The following PRKCE variants were observed in gnomAD, a reference collection of about 807,000 sequenced individuals.
PRKCE encodes the protein protein kinase C epsilon type.
Under a neutral mutation model 85.4 loss-of-function variants are expected in PRKCE, and 16 were observed. That is an observed-to-expected ratio of 0.19 (90% CI 0.13 to 0.28). PRKCE has a LOEUF of 0.28. PRKCE is among the 10% of genes least tolerant of loss of function. The pLI, the probability that PRKCE is intolerant of heterozygous loss-of-function variation, is 1.00. For missense variants in PRKCE, 573 were observed against 975.2 expected, an observed-to-expected ratio of 0.59 and a Z score of 5.49; for synonymous variants, 388 against 371.5, an observed-to-expected ratio of 1.04 and a Z score of -0.51.
At chr2:45,816,272 G>C (rs1689032633) in intron 1 of PRKCE, among the ~76,000 whole-genome samples, 2 of 152,110 alleles carry the variant, frequency 1.3e-5, no homozygotes, top group South Asian at 4.1e-4. Flanking sequence ...GCCCTGCTAT[G>C]AATATAGAAG....
intron 11 of PRKCE, among the ~76,000 whole-genome samples, chr2:46,126,705 C>T (rs538191986): frequency 2.0e-5 from 3 of 152,234 alleles, no homozygotes; most frequent in South Asian, 2.1e-4. Context: ...AACACAGAAC[C>T]GGGTCTATGG....
rs372002967 is a variant in PRKCE, at chr2:46,019,931, C to A, written c.1437+9414C>A. Among the ~76,000 whole-genome samples the A allele has an allele frequency of 5.4e-5, 8 of 147,070 alleles. No homozygotes were observed. The South Asian group carries it at 1.3e-3, about 24-fold the overall frequency. Reference sequence around the variant, plus strand: ...ACGGCGCAATCTCGGCTCACTACAACCTCTGCCTCCCAGGCTCAAGCAATT... The same window carrying A: ...ACGGCGCAATCTCGGCTCACTACAAACTCTGCCTCCCAGGCTCAAGCAATT... On this transcript the variant is annotated intron_variant, in intron 10 of 14. Transcript: ENST00000306156.
At chr2:46,093,828 C>G (rs1670420827) in intron 11 of PRKCE, among the ~76,000 whole-genome samples, 1 of 152,128 alleles carries the variant, frequency 6.6e-6, no homozygotes, top group African/African-American at 2.4e-5. Context: ...CCCTTCCCAA[C>G]CTCCCATCCT....
In PRKCE at chr2:46,043,104, G is replaced by GTTT. The variant is rs68116207; in HGVS notation, c.1437+32596_1437+32598dup. 1.4e-3 allele frequency among the ~76,000 whole-genome samples: 204 copies of GTTT among 149,934 alleles called. 1 individual carries two copies. The highest frequency in any genetic ancestry group is 2.7e-3 in the African/African-American group (110 of 40,914). On this transcript the variant is annotated intron_variant, in intron 10 of 14. Transcript: ENST00000306156. The stretch of plus-strand genomic sequence containing the variant: ...ACTTTGTAGGGCCTTCAGAAAAACA[G>GTTT]TTTTTTTTTTTCAAGGTGTTCTGTA...
chr2:45,762,042 C>T (rs1367305940), intron 1 of PRKCE, among the ~76,000 whole-genome samples: 1 of 152,158 alleles, frequency 6.6e-6, no homozygotes, highest in Non-Finnish European at 1.5e-5. Context: ...ACATGGGTTC[C>T]CTTGGTTGGC....
At position 46,187,336 on chromosome 2, in the gene PRKCE, T is replaced by G. The variant is rs1335175477; in HGVS notation, c.*2455T>G. 1 of 152,334 alleles carries G rather than the reference T, an allele frequency of 6.6e-6. No homozygotes were observed. Among genetic ancestry groups the G allele is most frequent in the African/African-American group, 2.4e-5 (1 of 41,450 alleles). 9.4% of individuals were successfully genotyped at this position (152,334 alleles called of 1,614,324 possible). A position where few individuals can be genotyped will look rare whatever the true frequency, so the allele number is the denominator to read the frequency against. ...GTCAGTCTGTCCCAGAAAGGGCCCT[T>G]TTCAGCACCCAAAGCTGGGCTGGCT... On this transcript the variant is annotated 3_prime_UTR_variant, in exon 15 of 15. Coordinates refer to ENST00000306156, the MANE Select transcript of PRKCE (RefSeq NM_005400.3).
chr2:45,766,926 A>T (rs573024427), intron 1 of PRKCE, among the ~76,000 whole-genome samples: 36 of 152,298 alleles, frequency 2.4e-4, no homozygotes, highest in African/African-American at 8.7e-4. Context: ...CAGTAGTCCC[A>T]GCTACTCAGG....
intron 1 of PRKCE, among the ~76,000 whole-genome samples, chr2:45,834,316 C>T (rs1158216205): frequency 6.6e-6 from 1 of 152,204 alleles, no homozygotes; most frequent in African/African-American, 2.4e-5. Flanking sequence ...GCAACTGAAG[C>T]AAGCTGTAGT....
intron 1 of PRKCE, among the ~76,000 whole-genome samples, chr2:45,702,338 A>C (rs1678716669): frequency 6.6e-6 from 1 of 152,208 alleles, no homozygotes; most frequent in Non-Finnish European, 1.5e-5. Flanking sequence ...TACTAGTCCC[A>C]GCTCTTGGGC....
intron 10 of PRKCE, among the ~76,000 whole-genome samples, chr2:46,013,439 G>A (rs1205982611): frequency 6.6e-6 from 1 of 152,202 alleles, no homozygotes; most frequent in Non-Finnish European, 1.5e-5. Context: ...GAAGACTCAG[G>A]GGAGGGGGTC....
chr2:45,695,233 T>A (rs369043703), intron 1 of PRKCE, among the ~76,000 whole-genome samples: 38 of 152,346 alleles, frequency 2.5e-4, no homozygotes, highest in Middle Eastern at 3.4e-3. Context: ...CCCCTTAGCC[T>A]CTAAGGATCT....
intron 10 of PRKCE, among the ~76,000 whole-genome samples, chr2:46,058,351 C>G (rs1228642273): frequency 6.6e-6 from 1 of 152,232 alleles, no homozygotes; most frequent in African/African-American, 2.4e-5. Flanking sequence ...ACAGGACTGG[C>G]TGGGATCCAG....
chr2:46,103,633 G>A (rs1222463917), intron 11 of PRKCE, among the ~76,000 whole-genome samples: 4 of 152,140 alleles, frequency 2.6e-5, no homozygotes, highest in African/African-American at 9.7e-5. Flanking sequence ...AACTACTGAT[G>A]CCCTACTGTT....
chr2:45,812,354 A>G (rs1277192712), intron 1 of PRKCE, among the ~76,000 whole-genome samples: 2 of 152,236 alleles, frequency 1.3e-5, no homozygotes, highest in Non-Finnish European at 2.9e-5. Context: ...TGTTTGAAAC[A>G]TGAAGCCTAA....
chr2:46,095,399 C>A (rs1670587945), intron 11 of PRKCE, among the ~76,000 whole-genome samples: 1 of 152,166 alleles, frequency 6.6e-6, no homozygotes, highest in African/African-American at 2.4e-5. Flanking sequence ...CCATCTACCC[C>A]CACTCCATGC....
At chr2:45,825,903 C>A (rs1448638879) in intron 1 of PRKCE, among the ~76,000 whole-genome samples, 1 of 151,990 alleles carries the variant, frequency 6.6e-6, no homozygotes, top group Non-Finnish European at 1.5e-5. Context: ...CAAAAACATA[C>A]CCCACAGTGT....
intron 2 of PRKCE, among the ~76,000 whole-genome samples, chr2:45,866,846 T>C (rs1322321164): frequency 6.6e-6 from 1 of 152,250 alleles, no homozygotes; most frequent in Non-Finnish European, 1.5e-5. Context: ...AAAATTCTAT[T>C]GGCCAGCACT....
At position 45,905,671 on chromosome 2, in the gene PRKCE, C is replaced by T. The variant is rs1696917530; in HGVS notation, c.412+62608C>T. Among the ~76,000 whole-genome samples, 1 of 152,156 alleles carries T rather than the reference C, an allele frequency of 6.6e-6. No individual in the cohort carries two copies. The highest frequency in any genetic ancestry group is 6.5e-5 in the Admixed American group (1 of 15,288). On this transcript the variant is annotated intron_variant, in intron 2 of 14. Coordinates refer to ENST00000306156, the MANE Select transcript of PRKCE (RefSeq NM_005400.3). This position sits in a 1 kb window ranked among gnomAD's most constrained non-coding sequence, Gnocchi z 4.4. ...GGCCCTAGCTGGGGAACCTCTGATGCTGGGAGGGTGGATGCCAGGTGGTGG... is the reference window on the plus strand; with the variant it reads ...GGCCCTAGCTGGGGAACCTCTGATGTTGGGAGGGTGGATGCCAGGTGGTGG...
At chr2:46,018,203 A>G (rs138432462) in intron 10 of PRKCE, among the ~76,000 whole-genome samples, 183 of 152,344 alleles carry the variant, frequency 1.2e-3, no homozygotes, top group African/African-American at 4.1e-3. Flanking sequence ...GAACGATCCA[A>G]AATGGGCTGG....
Sources: allele counts gnomAD v4.1 joint callset (sites outside exome capture counted in the v4.1 genomes callset), GRCh38; gene constraint gnomAD v4.1.1; non-coding constraint Gnocchi (gnomAD v3.1); transcripts MANE v1.5; gene names NCBI Gene and HGNC (gene_info 2026-07-23, HGNC 2026-07-21).